NEBL: variants seen among roughly 807,000 people sequenced by gnomAD.
NEBL encodes the protein LIM and SH3 protein 2.
Under a neutral mutation model 140.2 loss-of-function variants are expected in NEBL, and 122 were observed. That is an observed-to-expected ratio of 0.87 (90% CI 0.75 to 1.01). NEBL has a LOEUF of 1.01. NEBL is among the 50% of genes least tolerant of loss of function. The pLI, the probability that NEBL is intolerant of heterozygous loss-of-function variation, is 0.00. For synonymous variants in NEBL, 436 were observed against 398.9 expected (o/e 1.09, Z -1.11); for missense variants, 1,365 against 1,231.3 (o/e 1.11, Z -1.62).
intron 16 of NEBL, 55 bp downstream of exon 16, chr10:20,831,141 C>G: frequency 1.7e-6 from 2 of 1,207,070 alleles, no homozygotes; most frequent in South Asian, 2.4e-5. Flanking sequence ...ATACAAAGCA[C>G]ATGGCAACAT....
chr10:21,077,623 AAAATAAAT>A (rs925144916), intron 2 of NEBL, among the ~76,000 whole-genome samples: 4 of 152,044 alleles, frequency 2.6e-5, no homozygotes, highest in African/African-American at 9.7e-5. Flanking sequence ...AATAAAAATA[AAAATAAAT>A]AAATAAATAA....
At chr10:21,225,081 G>T (rs996473036) in intron 3 of NEBL, among the ~76,000 whole-genome samples, 1 of 152,062 alleles carries the variant, frequency 6.6e-6, no homozygotes, top group East Asian at 1.9e-4. Context: ...TCATGTTCCA[G>T]ATCTTAGAGG....
At chr10:21,018,387 G>C (rs1838644959) in intron 3 of NEBL, among the ~76,000 whole-genome samples, 1 of 152,152 alleles carries the variant, frequency 6.6e-6, no homozygotes, top group African/African-American at 2.4e-5. Flanking sequence ...TATGCACAGA[G>C]CAGATCCAGA....
chr10:21,116,882 G>C (rs1162522685), intron 2 of NEBL, among the ~76,000 whole-genome samples: 1 of 152,014 alleles, frequency 6.6e-6, no homozygotes, highest in Non-Finnish European at 1.5e-5. Flanking sequence ...GTATTGTCCA[G>C]ACTGGTCATG....
intron 3 of NEBL, among the ~76,000 whole-genome samples, chr10:20,994,308 T>C (rs1231082977): frequency 6.6e-6 from 1 of 152,172 alleles, no homozygotes; most frequent in Non-Finnish European, 1.5e-5. Flanking sequence ...GCTGATTCCA[T>C]ATAAGAGAAG....
chr10:20,929,260 A>AATATAT (rs57452633), intron 4 of NEBL, among the ~76,000 whole-genome samples: 8 of 148,960 alleles, frequency 5.4e-5, no homozygotes, highest in African/African-American at 1.5e-4. Flanking sequence ...GAGAGATATA[A>AATATAT]ATATATATAT....
chr10:21,193,065 A>T (rs1212595488), intron 3 of NEBL, among the ~76,000 whole-genome samples: 1 of 152,184 alleles, frequency 6.6e-6, no homozygotes, highest in Non-Finnish European at 1.5e-5. Flanking sequence ...GGAACAGAGC[A>T]CTGCAGACAG....
chr10:21,251,898 G>A (rs190440194), intron 1 of NEBL, among the ~76,000 whole-genome samples: 14 of 152,236 alleles, frequency 9.2e-5, no homozygotes, highest in Non-Finnish European at 1.5e-4. Context: ...AGCCCAAAAA[G>A]ACTAAAACAG....
intron 4 of NEBL, among the ~76,000 whole-genome samples, chr10:20,886,831 T>A (rs1463919084): frequency 6.6e-6 from 1 of 152,198 alleles, no homozygotes; most frequent in African/African-American, 2.4e-5. Context: ...TTTACTATTA[T>A]TAACCTAAAA....
intron 2 of NEBL, among the ~76,000 whole-genome samples, chr10:21,091,280 G>T (rs1376622707): frequency 6.6e-6 from 1 of 152,112 alleles, no homozygotes; most frequent in African/African-American, 2.4e-5. Context: ...AAACATCTTG[G>T]TTATAAAATT....
At chr10:21,024,874 G>T (rs1838959548) in intron 2 of NEBL, among the ~76,000 whole-genome samples, 1 of 152,166 alleles carries the variant, frequency 6.6e-6, no homozygotes, top group Admixed American at 6.5e-5. Context: ...CTGAGGGGCT[G>T]GTGGTCCTCA....
chr10:21,157,434 G>A (rs1840379097), intron 2 of NEBL, among the ~76,000 whole-genome samples: 1 of 152,120 alleles, frequency 6.6e-6, no homozygotes. Flanking sequence ...GCTGGGTATG[G>A]TGGCACGTGC....
At chr10:21,147,679 G>C (rs1038762955) in intron 2 of NEBL, among the ~76,000 whole-genome samples, 5 of 152,264 alleles carry the variant, frequency 3.3e-5, no homozygotes, top group Non-Finnish European at 5.9e-5. Flanking sequence ...CCGCCTCCAC[G>C]GAAGGAACAA....
At chr10:20,803,590 T>A (rs1837328199) in intron 26 of NEBL, among the ~76,000 whole-genome samples, 1 of 152,044 alleles carries the variant, frequency 6.6e-6, no homozygotes, top group East Asian at 1.9e-4. Context: ...TACCCCTAAC[T>A]AGTATTGTTA....
chr10:20,829,337 C>G (rs1479786881), intron 16 of NEBL, among the ~76,000 whole-genome samples: 2 of 147,122 alleles, frequency 1.4e-5, no homozygotes, highest in Non-Finnish European at 3.0e-5. Flanking sequence ...ATTGCAAGAA[C>G]AAAAAACCAA....
intron 3 of NEBL, among the ~76,000 whole-genome samples, chr10:21,015,405 C>G (rs1052604575): frequency 3.9e-5 from 6 of 152,238 alleles, no homozygotes; most frequent in Non-Finnish European, 5.9e-5. Flanking sequence ...CCCAAAGCAT[C>G]TATGCCTTCC....
intron 3 of NEBL, among the ~76,000 whole-genome samples, chr10:20,989,238 C>T (rs1219419890): frequency 6.6e-6 from 1 of 152,158 alleles, no homozygotes; most frequent in African/African-American, 2.4e-5. Flanking sequence ...ATCACCATTT[C>T]CCCCCAACTT....
chr10:21,006,019 A>C (rs1346551549), intron 3 of NEBL, among the ~76,000 whole-genome samples: 1 of 152,170 alleles, frequency 6.6e-6, no homozygotes, highest in African/African-American at 2.4e-5. Flanking sequence ...GCACACACAG[A>C]GGGTTTGGTC....
chr10:20,913,436 TTAAAAG>T (rs1249149671), intron 4 of NEBL, among the ~76,000 whole-genome samples: 2 of 152,206 alleles, frequency 1.3e-5, no homozygotes, highest in Non-Finnish European at 1.5e-5. Flanking sequence ...GAATGCTTCA[TTAAAAG>T]TACTTATTAA....
Sources: allele counts gnomAD v4.1 joint callset (sites outside exome capture counted in the v4.1 genomes callset), GRCh38; gene constraint gnomAD v4.1.1; transcripts MANE v1.5; gene names NCBI Gene and HGNC (gene_info 2026-07-23, HGNC 2026-07-21).